Variants in PDE6D observed in about 807,000 individuals in gnomAD.
PDE6D encodes phosphodiesterase 6D.
PDE6D carries 10 observed loss-of-function variants against 21.9 expected under a neutral mutation model. The observed-to-expected ratio is 0.46, with a 90% CI of 0.28 to 0.78. The LOEUF (loss-of-function observed/expected upper bound fraction) is 0.78, where lower values mean the gene tolerates loss of function less well. Among genes scored for constraint, PDE6D ranks in the 30% least tolerant of loss-of-function variants. The pLI, the probability that PDE6D is intolerant of heterozygous loss-of-function variation, is 0.12. For missense variants in PDE6D, 139 were observed against 184.8 expected, an observed-to-expected ratio of 0.75 and a Z score of 1.44; for synonymous variants, 59 against 63.5, an observed-to-expected ratio of 0.93 and a Z score of 0.34.
chr2:231,774,394 T>C (rs1335564835), intron 1 of PDE6D, among the ~76,000 whole-genome samples: 1 of 152,174 alleles, frequency 6.6e-6, no homozygotes, highest in African/African-American at 2.4e-5. Context: ...GAGTGTTCTG[T>C]TGAGAGTCAC....
chr2:231,771,373 A>C (rs2049014506), intron 1 of PDE6D, among the ~76,000 whole-genome samples: 2 of 152,250 alleles, frequency 1.3e-5, no homozygotes, highest in South Asian at 4.1e-4. Context: ...ACTTTTAAAA[A>C]GACAAAACAA....
chr2:231,734,005 G>A (rs1300359912), intron 4 of PDE6D, among the ~76,000 whole-genome samples: 1 of 152,006 alleles, frequency 6.6e-6, no homozygotes, highest in South Asian at 2.1e-4. Context: ...AAGGTCAGGA[G>A]ATTGAGACCA....
intron 1 of PDE6D, among the ~76,000 whole-genome samples, chr2:231,776,141 C>A (rs902469700): frequency 5.9e-5 from 9 of 151,586 alleles, no homozygotes; most frequent in African/African-American, 2.2e-4. Context: ...GCCAACATGG[C>A]GAAACCCCCT....
chr2:231,773,837 G>A (rs2049033335), intron 1 of PDE6D, among the ~76,000 whole-genome samples: 1 of 152,090 alleles, frequency 6.6e-6, no homozygotes, highest in Non-Finnish European at 1.5e-5. Flanking sequence ...ATGGAAATAC[G>A]ATAGTTTTTC....
chr2:231,744,370 T>G (rs1484708812), intron 1 of PDE6D, among the ~76,000 whole-genome samples: 1 of 152,210 alleles, frequency 6.6e-6, no homozygotes, highest in East Asian at 1.9e-4. Context: ...AAATACATGG[T>G]TGATTTCCAC....
chr2:231,780,986 C>T lies in PDE6D; in HGVS notation c.50+79G>A, dbSNP rs879111319. ...CTTCTGTGGGGCCCACCTGGCGCGG[C>T]CCCCGCCCCCGGCCAGTCTCCTCAG... On this transcript the variant is annotated intron_variant, in intron 1 of 4. Transcript: ENST00000287600. 14 of 1,275,334 alleles carry T rather than the reference C, an allele frequency of 1.1e-5. 1 individual carries two copies. The highest frequency in any genetic ancestry group is 8.6e-5 in the South Asian group (7 of 81,674). 79.0% of individuals were successfully genotyped at this position (1,275,334 alleles called of 1,614,324 possible).
chr2:231,736,923 G>A (rs1289480949), intron 4 of PDE6D, among the ~76,000 whole-genome samples: 2 of 152,156 alleles, frequency 1.3e-5, no homozygotes, highest in East Asian at 3.8e-4. Flanking sequence ...AGATGACACA[G>A]GTAGTCAGGG....
At chr2:231,737,992 G>C (rs756584471) in intron 3 of PDE6D, 21 bp downstream of exon 3, 1 of 1,608,362 alleles carries the variant, frequency 6.2e-7, no homozygotes, top group Admixed American at 1.7e-5. Flanking sequence ...CCTGATTTCA[G>C]GCATGTAGGC....
intron 1 of PDE6D, among the ~76,000 whole-genome samples, chr2:231,776,182 G>A (rs1479770870): frequency 3.3e-5 from 5 of 152,148 alleles, no homozygotes; most frequent in South Asian, 2.1e-4. Flanking sequence ...TTAGCCGGGC[G>A]TGGTGGCAGG....
chr2:231,772,501 G>A (rs889099838), intron 1 of PDE6D, among the ~76,000 whole-genome samples: 3 of 152,140 alleles, frequency 2.0e-5, no homozygotes, highest in Admixed American at 6.5e-5. Context: ...TGAGTTTTAC[G>A]CATTCAAGCA....
intron 1 of PDE6D, among the ~76,000 whole-genome samples, chr2:231,778,260 C>T (rs1296109426): frequency 2.6e-5 from 4 of 152,004 alleles, no homozygotes; most frequent in South Asian, 2.1e-4. Context: ...ACCAAGACTC[C>T]GTCTCAAACA....
chr2:231,745,317 A>G (rs2048785445), intron 1 of PDE6D, among the ~76,000 whole-genome samples: 1 of 152,162 alleles, frequency 6.6e-6, no homozygotes, highest in Admixed American at 6.5e-5. Context: ...CTAAAAACAT[A>G]TTTGTTTTAA....
chr2:231,761,214 G>T (rs563661835), intron 1 of PDE6D, among the ~76,000 whole-genome samples: 12 of 151,348 alleles, frequency 7.9e-5, no homozygotes, highest in Admixed American at 7.9e-4. Flanking sequence ...TCACTCTGTC[G>T]CCCAGGTTGG....
At chr2:231,771,572 G>T (rs1446456217) in intron 1 of PDE6D, among the ~76,000 whole-genome samples, 1 of 152,114 alleles carries the variant, frequency 6.6e-6, no homozygotes, top group Non-Finnish European at 1.5e-5. Flanking sequence ...TCTTCTTGTG[G>T]CTATATTTAC....
intron 1 of PDE6D, among the ~76,000 whole-genome samples, chr2:231,771,261 GC>G: frequency 6.6e-6 from 1 of 152,010 alleles, no homozygotes; most frequent in Non-Finnish European, 1.5e-5. Flanking sequence ...GAGCCACCTT[GC>G]TCAGCCAAGC....
intron 1 of PDE6D, among the ~76,000 whole-genome samples, chr2:231,758,119 A>G (rs1360480380): frequency 6.6e-6 from 1 of 152,138 alleles, no homozygotes; most frequent in African/African-American, 2.4e-5. Flanking sequence ...CTTTGCCTAT[A>G]TATCTACCTA....
chr2:231,761,140 T>C (rs778452570), intron 1 of PDE6D, among the ~76,000 whole-genome samples: 3 of 152,176 alleles, frequency 2.0e-5, no homozygotes, highest in African/African-American at 4.8e-5. Flanking sequence ...GAAATCCCAT[T>C]GATTGTATTG....
chr2:231,770,900 T>A (rs1474873424), intron 1 of PDE6D, among the ~76,000 whole-genome samples: 2 of 150,336 alleles, frequency 1.3e-5, no homozygotes, highest in Non-Finnish European at 3.0e-5. Context: ...TTGCAGTGAG[T>A]TGAGATCGCG....
chr2:231,765,709 C>T (rs1370652668), intron 1 of PDE6D, among the ~76,000 whole-genome samples: 1 of 152,160 alleles, frequency 6.6e-6, no homozygotes, highest in Non-Finnish European at 1.5e-5. Context: ...TAGCAGTAAA[C>T]AAAGGGAGTT....
Sources: gnomAD v4.1 joint callset for allele counts (sites outside exome capture counted in the v4.1 genomes callset) on GRCh38, gnomAD v4.1.1 for gene constraint, MANE v1.5 for transcripts, NCBI Gene and HGNC (gene_info 2026-07-23, HGNC 2026-07-21) for gene names.